The following EGFR variants were observed in gnomAD, a reference collection of about 807,000 sequenced individuals.
The protein encoded by EGFR is epidermal growth factor receptor.
Under a neutral mutation model 143.0 loss-of-function variants are expected in EGFR, and 58 were observed. That is an observed-to-expected ratio of 0.41 (90% CI 0.33 to 0.50). EGFR has a LOEUF of 0.50. Ranked by LOEUF, EGFR falls within the 20% of genes least tolerant of loss-of-function variation. The pLI is 0.39. For missense variants in EGFR, 1,307 were observed against 1,579.0 expected (o/e 0.83, Z 2.92); for synonymous variants, 613 against 594.4 (o/e 1.03, Z -0.45).
At chr7:55,154,974 GA>G (rs905428156) in intron 7 of EGFR, among the ~76,000 whole-genome samples, 3 of 151,388 alleles carry the variant, frequency 2.0e-5, no homozygotes, top group Non-Finnish European at 4.4e-5. Context: ...CAAAGCTAAA[GA>G]AAAATGTGCC....
At chr7:55,071,579 A>G (rs1208206337) in intron 1 of EGFR, among the ~76,000 whole-genome samples, 1 of 152,190 alleles carries the variant, frequency 6.6e-6, no homozygotes, top group Admixed American at 6.5e-5. Context: ...TCTCTGTTCA[A>G]TGTCATCATC....
chr7:55,074,504 A>G (rs1000402132), intron 1 of EGFR, among the ~76,000 whole-genome samples: 2 of 152,232 alleles, frequency 1.3e-5, no homozygotes, highest in African/African-American at 4.8e-5. Context: ...CTCTCATTCA[A>G]TGTGAAAGGC....
chr7:55,170,434 T>C, intron 15 of EGFR: 1 of 1,614,164 alleles, frequency 6.2e-7, no homozygotes, highest in Non-Finnish European at 8.5e-7. Context: ...ATGCTTAGGA[T>C]GGATCCCTTC....
At chr7:55,195,823 C>T (rs1444436172) in intron 22 of EGFR, among the ~76,000 whole-genome samples, 1 of 152,152 alleles carries the variant, frequency 6.6e-6, no homozygotes, top group Admixed American at 6.6e-5. Flanking sequence ...CCTCTAGCTC[C>T]ATCCATGTTC....
At chr7:55,172,279 TC>T (rs1260142323) in intron 16 of EGFR, among the ~76,000 whole-genome samples, 1 of 152,234 alleles carries the variant, frequency 6.6e-6, no homozygotes, top group East Asian at 1.9e-4. Context: ...ATTCTTTATA[TC>T]TTACGGTATT....
intron 1 of EGFR, among the ~76,000 whole-genome samples, chr7:55,044,776 T>C (rs1788094248): frequency 6.6e-6 from 1 of 152,254 alleles, no homozygotes; most frequent in South Asian, 2.1e-4. Flanking sequence ...CAGTCACTTA[T>C]GCCTATAAGC....
Position 55,201,757 on chromosome 7 carries a change from C to A in EGFR, c.3137C>A (p.Thr1046Asn), listed in dbSNP as rs773437153. The A allele has an allele frequency of 2.5e-6, 4 of 1,614,216 alleles. No individual in the cohort carries two copies. In the East Asian group the frequency reaches 8.9e-5, roughly 36 times the overall value. ...SSLSATSNNS[T>N]VACIDRNGLQ... is the part of the protein sequence containing the mutation. ...CAGAGTGCAACCAGCAACAATTCCA[C>A]CGTGGCTTGCATTGATAGAAATGGG... Residue 1046 changes from threonine to asparagine, a missense_variant, in exon 26 of 28, where the codon ACC (threonine) becomes AAC (asparagine). Thr to Asn is a moderately conservative substitution (Grantham distance 65). Around this residue, in one of 7 missense-constraint regions of EGFR, gnomAD observed 313 missense variants for 312.3 expected, o/e 1.00. Coordinates refer to ENST00000275493, the MANE Select transcript of EGFR (RefSeq NM_005228.5).
At chr7:55,141,176 A>G (rs1794437536) in intron 1 of EGFR, among the ~76,000 whole-genome samples, 1 of 152,206 alleles carries the variant, frequency 6.6e-6, no homozygotes. Context: ...GCCAGAGGCC[A>G]TATTTCTTCA....
chr7:55,190,483 A>G (rs1787342876), intron 20 of EGFR, among the ~76,000 whole-genome samples: 2 of 152,106 alleles, frequency 1.3e-5, no homozygotes, highest in African/African-American at 2.4e-5. Context: ...TGACATGCCA[A>G]TTCAACAAAT....
intron 24 of EGFR, chr7:55,200,722 G>C (rs1787810183): frequency 2.0e-6 from 1 of 512,376 alleles, no homozygotes; most frequent in Non-Finnish European, 3.5e-6. Flanking sequence ...TTGGGCTTTG[G>C]TGTCAGGCAG....
At chr7:55,147,949 C>T (rs1014960224) in intron 4 of EGFR, among the ~76,000 whole-genome samples, 2 of 152,228 alleles carry the variant, frequency 1.3e-5, no homozygotes, top group Admixed American at 6.5e-5. Flanking sequence ...TGCTGTAGCA[C>T]GTGTTAAGAA....
chr7:55,165,652 C>T (rs1053380797), intron 15 of EGFR, among the ~76,000 whole-genome samples: 1 of 152,152 alleles, frequency 6.6e-6, no homozygotes, highest in Non-Finnish European at 1.5e-5. Context: ...TGTCCCCGGC[C>T]GGGCCTGTGT....
chr7:55,157,651 TCTGC>T lies in EGFR; in HGVS notation c.1208-9_1208-6del, dbSNP rs762851633. ...CGTGGTGTGTGTCTGAAGTCTTTCA[TCTGC>T]CTTACAGGGTTTTTGCTGATTCAGG... On this transcript the variant is annotated splice_polypyrimidine_tract_variant and splice_region_variant and intron_variant, in intron 10 of 27. Transcript: ENST00000275493. 3.7e-6 allele frequency: 6 copies of T among 1,613,912 alleles called. No homozygotes were observed. The highest frequency in any genetic ancestry group is 5.1e-6 in the Non-Finnish European group (6 of 1,179,730).
chr7:55,123,581 G>C (rs1584098091), intron 1 of EGFR, among the ~76,000 whole-genome samples: 1 of 152,164 alleles, frequency 6.6e-6, no homozygotes, highest in Non-Finnish European at 1.5e-5. Flanking sequence ...GTGCACATAA[G>C]CAATTGCTGG....
chr7:55,059,370 C>A (rs192492836), intron 1 of EGFR, among the ~76,000 whole-genome samples: 43 of 152,294 alleles, frequency 2.8e-4, no homozygotes, highest in African/African-American at 9.9e-4. Flanking sequence ...TCCAGCACGG[C>A]CCCTGTTTCT....
At chr7:55,144,017 T>C (rs1213269475) in intron 3 of EGFR, among the ~76,000 whole-genome samples, 1 of 152,098 alleles carries the variant, frequency 6.6e-6, no homozygotes, top group Non-Finnish European at 1.5e-5. Context: ...GAGGAAACAA[T>C]GAAGGATGAT....
intron 1 of EGFR, among the ~76,000 whole-genome samples, chr7:55,059,367 C>T (rs1023085237): frequency 1.3e-5 from 2 of 152,188 alleles, no homozygotes; most frequent in African/African-American, 2.4e-5. Flanking sequence ...AGTTCCAGCA[C>T]GGCCCCTGTT....
chr7:55,200,340 G>T lies in EGFR; in HGVS notation c.2873G>T (p.Arg958Leu), dbSNP rs1368179445. ...GGCTGGATGATAGACGCAGATAGTC[G>T]CCCAAAGTTCCGTGAGTTGATCATC... ...VKCWMIDADS[R>L]PKFRELIIEF... The change falls in exon 24 of 28, where the codon CGC (arginine) becomes CTC (leucine). Residue 958 changes from arginine to leucine, a missense_variant. Arg to Leu is a moderately radical substitution (Grantham distance 102). Transcript: ENST00000275493. 6.2e-7 allele frequency: 1 copy of T among 1,613,948 alleles called. No individual in the cohort carries two copies. Among genetic ancestry groups the T allele is most frequent in the African/African-American group, 1.3e-5 (1 of 74,952 alleles).
chr7:55,174,835 T>C lies in EGFR; in HGVS notation c.2283+15T>C. On this transcript the variant is annotated intron_variant, in intron 19 of 27. Transcript: ENST00000275493. ...AAATCCTCGATGTGAGTTTCTGCTT[T>C]GCTGTGTGGGGGTCCATGGCTCTGA... 6.2e-7 allele frequency: 1 copy of C among 1,609,080 alleles called. No homozygotes were observed. Among genetic ancestry groups the C allele is most frequent in the Non-Finnish European group, 8.5e-7 (1 of 1,175,430 alleles).
Sources: allele counts gnomAD v4.1 joint callset (sites outside exome capture counted in the v4.1 genomes callset), GRCh38; gene constraint gnomAD v4.1.1; regional missense constraint gnomAD v4.1.1; transcripts MANE v1.5; gene names NCBI Gene and HGNC (gene_info 2026-07-23, HGNC 2026-07-21).